DGKB: variants seen among roughly 807,000 people sequenced by gnomAD.
DGKB encodes diacylglycerol kinase beta.
A neutral mutation model predicts 114.3 loss-of-function variants in DGKB; 67 were observed. That is an observed-to-expected ratio of 0.59 (90% CI 0.48 to 0.72). The LOEUF is 0.72. DGKB is among the 30% of genes least tolerant of loss of function. The probability of loss-of-function intolerance (pLI) is 0.00; values close to 1 mark genes in which losing one functional copy is unlikely to be tolerated. For missense variants in DGKB, 907 were observed against 975.2 expected (o/e 0.93, Z 0.93); for synonymous variants, 398 against 323.1 (o/e 1.23, Z -2.49).
chr7:14,366,666 G>A (rs11977804), intron 21 of DGKB, among the ~76,000 whole-genome samples: 3 of 151,956 alleles, frequency 2.0e-5, no homozygotes, highest in East Asian at 1.9e-4. Flanking sequence ...AAATCCAATC[G>A]ATTCTCAATT....
At chr7:14,240,634 T>C (rs1562712473) in intron 23 of DGKB, among the ~76,000 whole-genome samples, 1 of 151,968 alleles carries the variant, frequency 6.6e-6, no homozygotes, top group East Asian at 1.9e-4. Flanking sequence ...TTTTCTTCCC[T>C]CCCCAAGAGA....
At chr7:14,857,258 T>TTGTGTG (rs140695633) in intron 1 of DGKB, among the ~76,000 whole-genome samples, 70 of 138,332 alleles carry the variant, frequency 5.1e-4, no homozygotes, top group East Asian at 1.5e-3. Context: ...CTGTGTGTGT[T>TTGTGTG]TGTGTGTGTG....
At chr7:14,803,497 T>A in intron 2 of DGKB, among the ~76,000 whole-genome samples, 1 of 152,314 alleles carries the variant, frequency 6.6e-6, no homozygotes, top group Non-Finnish European at 1.5e-5. Context: ...TACTTTTACC[T>A]GTTTATTTTT....
Position 14,510,687 on chromosome 7 carries a change from G to A in DGKB, c.1771-32462C>T, listed in dbSNP as rs149739272. 3.1e-4 allele frequency among the ~76,000 whole-genome samples: 47 copies of A among 152,110 alleles called. No individual in the cohort carries two copies. The East Asian group carries it at 8.7e-3, about 28-fold the overall frequency. On this transcript the variant is annotated intron_variant, in intron 20 of 25. Coordinates refer to ENST00000402815, the MANE Select transcript of DGKB (RefSeq NM_001350709.2). ...AGAATGGCAAATCCTTTCCAGAAAG[G>A]TGTACTTTTCCCAGGTCCATTTGAT...
chr7:14,939,598 A>C (rs1166805387), intron 1 of DGKB, among the ~76,000 whole-genome samples: 4 of 150,274 alleles, frequency 2.7e-5, no homozygotes, highest in African/African-American at 9.8e-5. Flanking sequence ...AGTAAATGAA[A>C]CTGCTATCAT....
At chr7:14,424,589 A>G (rs1827218555) in intron 21 of DGKB, among the ~76,000 whole-genome samples, 1 of 152,090 alleles carries the variant, frequency 6.6e-6, no homozygotes, top group African/African-American at 2.4e-5. Context: ...GACACTACTG[A>G]GAGGTAGGTT....
At chr7:14,764,390 C>T (rs1382585127) in intron 2 of DGKB, among the ~76,000 whole-genome samples, 1 of 151,822 alleles carries the variant, frequency 6.6e-6, no homozygotes, top group African/African-American at 2.4e-5. Context: ...CATAAAGTTT[C>T]CCTTAGCTAC....
intron 21 of DGKB, among the ~76,000 whole-genome samples, chr7:14,364,397 G>T (rs1325062184): frequency 6.8e-6 from 1 of 147,018 alleles, no homozygotes; most frequent in Non-Finnish European, 1.5e-5. Flanking sequence ...GAAAGCAAAG[G>T]AAAAAAAAAG....
intron 21 of DGKB, among the ~76,000 whole-genome samples, chr7:14,428,375 A>G (rs1827903194): frequency 6.6e-6 from 1 of 151,780 alleles, no homozygotes; most frequent in Middle Eastern, 3.2e-3. Context: ...TTTGGGTTTT[A>G]TCTTTGTGTC....
intron 23 of DGKB, among the ~76,000 whole-genome samples, chr7:14,276,342 T>A (rs1421247596): frequency 6.6e-6 from 1 of 152,218 alleles, no homozygotes; most frequent in Non-Finnish European, 1.5e-5. Flanking sequence ...CTTGCTATTG[T>A]ACTTCTTTCA....
chr7:14,528,285 CTG>C (rs1379482166), intron 20 of DGKB, among the ~76,000 whole-genome samples: 1 of 152,078 alleles, frequency 6.6e-6, no homozygotes, highest in Non-Finnish European at 1.5e-5. Context: ...CTGATGCAGA[CTG>C]CAGTGACCTT....
intron 2 of DGKB, among the ~76,000 whole-genome samples, chr7:14,800,985 C>T (rs764746893): frequency 1.8e-4 from 28 of 152,042 alleles, no homozygotes; most frequent in Admixed American, 8.5e-4. Context: ...CTATAAACAC[C>T]ACCTAAAACC....
intron 20 of DGKB, among the ~76,000 whole-genome samples, chr7:14,535,387 A>G (rs1792284400): frequency 7.0e-6 from 1 of 142,914 alleles, no homozygotes; most frequent in African/African-American, 2.5e-5. Flanking sequence ...AGAAAAAAAA[A>G]AAAAAAAGAA....
At chr7:14,380,072 G>A (rs1025033379) in intron 21 of DGKB, among the ~76,000 whole-genome samples, 2 of 152,142 alleles carry the variant, frequency 1.3e-5, no homozygotes, top group African/African-American at 4.8e-5. Flanking sequence ...GGCAATTATA[G>A]TTATGTCCCC....
At chr7:14,425,521 CAA>C (rs1827378426) in intron 21 of DGKB, among the ~76,000 whole-genome samples, 1 of 151,996 alleles carries the variant, frequency 6.6e-6, no homozygotes, top group African/African-American at 2.4e-5. Context: ...AAAATTTATG[CAA>C]AGATACCTCA....
In DGKB at chr7:14,204,481, A is replaced by G. The variant is rs374574150; in HGVS notation, c.2123-26330T>C. Reference sequence around the variant, plus strand: ...AGTCTCTGGCTAAATCACTAACCATACTTTAATCCATTAGATGAGACCACC... The same window carrying G: ...AGTCTCTGGCTAAATCACTAACCATGCTTTAATCCATTAGATGAGACCACC... On this transcript the variant is annotated intron_variant, in intron 23 of 25. Transcript: ENST00000402815. Among the ~76,000 whole-genome samples, 7 of 152,022 alleles carry G rather than the reference A, an allele frequency of 4.6e-5. No homozygotes were observed. In the East Asian group the frequency reaches 7.7e-4, roughly 17 times the overall value.
intron 23 of DGKB, among the ~76,000 whole-genome samples, chr7:14,193,176 G>GA (rs34575063): frequency 0.06 from 8,585 of 142,862 alleles, 411 homozygotes; most frequent in East Asian, 0.3. Context: ...CAGAGAAATA[G>GA]AAAAAAAAAA....
At chr7:14,241,660 C>A (rs1793665778) in intron 23 of DGKB, among the ~76,000 whole-genome samples, 1 of 151,700 alleles carries the variant, frequency 6.6e-6, no homozygotes, top group South Asian at 2.1e-4. Context: ...GTAAAATGAA[C>A]AAGTAAAATT....
chr7:14,905,358 G>A (rs1783643842), upstream of DGKB, among the ~76,000 whole-genome samples: 2 of 150,604 alleles, frequency 1.3e-5, no homozygotes. Context: ...TTTCAGTTAA[G>A]GATTGGTGAT....
Sources: allele counts gnomAD v4.1 joint callset (sites outside exome capture counted in the v4.1 genomes callset), GRCh38; gene constraint gnomAD v4.1.1; transcripts MANE v1.5; gene names NCBI Gene and HGNC (gene_info 2026-07-23, HGNC 2026-07-21).